Variants in KIAA1328 observed in about 807,000 individuals in gnomAD.
The protein encoded by KIAA1328 is KIAA1328.
Under a neutral mutation model 68.1 loss-of-function variants are expected in KIAA1328, and 52 were observed. That is an observed-to-expected ratio of 0.76 (90% CI 0.61 to 0.96). The LOEUF (loss-of-function observed/expected upper bound fraction) is 0.96. Among genes scored for constraint, KIAA1328 ranks in the 40% least tolerant of loss-of-function variants. KIAA1328 has a pLI of 0.00. For synonymous variants in KIAA1328, 232 were observed against 239.4 expected (o/e 0.97, Z 0.28); for missense variants, 641 against 677.6 (o/e 0.95, Z 0.60).
chr18:37,024,131 G>A (rs55649262), intron 6 of KIAA1328, among the ~76,000 whole-genome samples: 23,461 of 151,878 alleles, frequency 0.15, 1,940 homozygotes, highest in African/African-American at 0.2. Context: ...CAGTAGCTGG[G>A]ACAGACACAT....
At chr18:37,009,042 C>T (rs2053884235) in intron 6 of KIAA1328, among the ~76,000 whole-genome samples, 1 of 152,148 alleles carries the variant, frequency 6.6e-6, no homozygotes, top group Non-Finnish European at 1.5e-5. Flanking sequence ...GCAAAGTGTC[C>T]TCTTGAAAAG....
At position 37,173,465 on chromosome 18, in the gene KIAA1328, C is replaced by T. The variant is rs559354285; in HGVS notation, c.1523+384C>T. Among the ~76,000 whole-genome samples the T allele has an allele frequency of 2.2e-4, 34 of 152,252 alleles. No individual in the cohort carries two copies. The East Asian group carries it at 6.6e-3, about 29-fold the overall frequency. On this transcript the variant is annotated intron_variant, in intron 9 of 9. Coordinates refer to ENST00000280020, the MANE Select transcript of KIAA1328 (RefSeq NM_020776.3). ...GGCTTTTGTACTAGTTAAAGGAATA[C>T]CAACATTAACTTAAGACCAGACACA...
At chr18:37,157,451 C>T (rs567759071) in intron 7 of KIAA1328, among the ~76,000 whole-genome samples, 5 of 151,962 alleles carry the variant, frequency 3.3e-5, no homozygotes, top group Non-Finnish European at 7.4e-5. Context: ...ACATTATATA[C>T]TCTATAATTG....
downstream of KIAA1328, among the ~76,000 whole-genome samples, chr18:37,228,294 G>A (rs921293143): frequency 2.0e-5 from 3 of 152,154 alleles, no homozygotes; most frequent in East Asian, 1.9e-4. Context: ...AAGCAGCGTC[G>A]GGGTTTGAAG....
chr18:36,932,020 C>T (rs1428895002), intron 5 of KIAA1328, among the ~76,000 whole-genome samples: 1 of 152,014 alleles, frequency 6.6e-6, no homozygotes, highest in African/African-American at 2.4e-5. Flanking sequence ...ATTTAATGGC[C>T]TTTTCCATAC....
At chr18:36,933,008 T>G (rs1217858898) in intron 5 of KIAA1328, among the ~76,000 whole-genome samples, 2 of 152,164 alleles carry the variant, frequency 1.3e-5, no homozygotes, top group African/African-American at 4.8e-5. Flanking sequence ...TACCAAGAAT[T>G]GCTCTGAGAA....
At chr18:37,104,386 ATTACT>A (rs762164976) in intron 7 of KIAA1328, among the ~76,000 whole-genome samples, 16 of 152,350 alleles carry the variant, frequency 1.1e-4, no homozygotes, top group South Asian at 1.0e-3. Flanking sequence ...ACTGTAGGTA[ATTACT>A]TTAAGTGAAA....
intron 5 of KIAA1328, among the ~76,000 whole-genome samples, chr18:36,956,495 C>T (rs2051421296): frequency 6.6e-6 from 1 of 150,804 alleles, no homozygotes; most frequent in Non-Finnish European, 1.5e-5. Context: ...ATAAATCTTT[C>T]TCTCCAGATG....
At chr18:37,003,567 G>C (rs2053668294) in intron 6 of KIAA1328, among the ~76,000 whole-genome samples, 1 of 152,070 alleles carries the variant, frequency 6.6e-6, no homozygotes, top group Admixed American at 6.6e-5. Flanking sequence ...GGTTCCTTTT[G>C]CTGTGCAGAA....
chr18:37,134,714 C>A (rs1361397909), intron 7 of KIAA1328, among the ~76,000 whole-genome samples: 1 of 152,076 alleles, frequency 6.6e-6, no homozygotes, highest in African/African-American at 2.4e-5. Context: ...ATAATTTCAA[C>A]TTTTATTTTA....
intron 7 of KIAA1328, among the ~76,000 whole-genome samples, chr18:37,135,028 A>G (rs1455080251): frequency 1.3e-5 from 2 of 152,192 alleles, no homozygotes; most frequent in Non-Finnish European, 2.9e-5. Flanking sequence ...AAAGGACATC[A>G]TTCCATTCTT....
At chr18:36,851,304 A>G (rs905484409) in intron 4 of KIAA1328, among the ~76,000 whole-genome samples, 3 of 152,118 alleles carry the variant, frequency 2.0e-5, no homozygotes, top group African/African-American at 4.8e-5. Context: ...CTTTGGCATC[A>G]GGTAATGCCG....
chr18:37,081,042 G>A (rs1034920348), intron 7 of KIAA1328, among the ~76,000 whole-genome samples: 96 of 151,724 alleles, frequency 6.3e-4, no homozygotes, highest in Non-Finnish European at 1.1e-3. Context: ...GTGCAGTGGC[G>A]TGATCTCGAC....
intron 9 of KIAA1328, among the ~76,000 whole-genome samples, chr18:37,193,314 A>G (rs533007261): frequency 2.1e-4 from 32 of 152,316 alleles, no homozygotes; most frequent in Non-Finnish European, 4.3e-4. Context: ...TCAGAATTCA[A>G]TTTTTAAAAG....
At chr18:36,993,139 A>G (rs950469828) in intron 6 of KIAA1328, among the ~76,000 whole-genome samples, 2 of 152,192 alleles carry the variant, frequency 1.3e-5, no homozygotes, top group Non-Finnish European at 1.5e-5. Flanking sequence ...AAAAAGTAGT[A>G]AAAATGAAAA....
chr18:37,132,983 C>T (rs772807714), intron 7 of KIAA1328, among the ~76,000 whole-genome samples: 5 of 152,028 alleles, frequency 3.3e-5, no homozygotes, highest in African/African-American at 9.7e-5. Context: ...TAAAATAAGC[C>T]GTCTCAAAAA....
At chr18:37,171,890 A>G (rs908740810) in intron 8 of KIAA1328, among the ~76,000 whole-genome samples, 1 of 152,188 alleles carries the variant, frequency 6.6e-6, no homozygotes, top group East Asian at 1.9e-4. Flanking sequence ...GCCTAGTGAT[A>G]GAGTGAGACC....
intron 5 of KIAA1328, among the ~76,000 whole-genome samples, chr18:36,942,431 A>T (rs2050750011): frequency 6.6e-6 from 1 of 152,226 alleles, no homozygotes; most frequent in African/African-American, 2.4e-5. Context: ...CTTTAATTTT[A>T]CTGCAATTCA....
At chr18:37,161,592 A>C (rs1053159038) in intron 8 of KIAA1328, among the ~76,000 whole-genome samples, 1 of 152,216 alleles carries the variant, frequency 6.6e-6, no homozygotes, top group Non-Finnish European at 1.5e-5. Flanking sequence ...AAACTTTATG[A>C]GGTAGAATCT....
Sources: gnomAD v4.1 joint callset for allele counts (sites outside exome capture counted in the v4.1 genomes callset) on GRCh38, gnomAD v4.1.1 for gene constraint, MANE v1.5 for transcripts, NCBI Gene and HGNC (gene_info 2026-07-23, HGNC 2026-07-21) for gene names.